Variants in NKTR observed in about 807,000 individuals in gnomAD.
The protein encoded by NKTR is natural killer cell triggering receptor.
A neutral mutation model predicts 156.3 loss-of-function variants in NKTR; 67 were observed. The ratio of observed to expected loss-of-function variants is 0.43; its 90% CI spans 0.35 to 0.53. The LOEUF (loss-of-function observed/expected upper bound fraction) is 0.53, where lower values mean the gene tolerates loss of function less well. Among genes scored for constraint, NKTR ranks in the 20% least tolerant of loss-of-function variants. The pLI, the probability that NKTR is intolerant of heterozygous loss-of-function variation, is 0.01. For missense variants in NKTR, 1,604 were observed against 1,730.9 expected (o/e 0.93, Z 1.30); for synonymous variants, 640 against 596.6 (o/e 1.07, Z -1.06).
In NKTR at chr3:42,605,794, G is replaced by A. The variant is rs866786988; in HGVS notation, c.58+4730G>A. Among the ~76,000 whole-genome samples, 4 of 152,230 alleles carry A rather than the reference G, an allele frequency of 2.6e-5. No individual in the cohort carries two copies. In the South Asian group the frequency reaches 8.3e-4, roughly 32 times the overall value. Reference sequence around the variant, plus strand: ...AATTTAAATGACTTGCACTGTATATGCTCATTAACCTGTTATATTATTAAC... The same window carrying A: ...AATTTAAATGACTTGCACTGTATATACTCATTAACCTGTTATATTATTAAC... On this transcript the variant is annotated intron_variant, in intron 2 of 16. Transcript: ENST00000232978.
At chr3:42,603,408 A>G (rs924448547) in intron 2 of NKTR, among the ~76,000 whole-genome samples, 13 of 151,824 alleles carry the variant, frequency 8.6e-5, no homozygotes, top group African/African-American at 3.1e-4. Context: ...AAGTACAAAT[A>G]AAAATTTCTG....
At chr3:42,610,214 G>C (rs916299998) in intron 2 of NKTR, among the ~76,000 whole-genome samples, 1 of 152,082 alleles carries the variant, frequency 6.6e-6, no homozygotes, top group Non-Finnish European at 1.5e-5. Flanking sequence ...ATGTTGGTCA[G>C]GCTGGTCTCG....
chr3:42,639,176 A>C lies in NKTR; in HGVS notation c.3472A>C (p.Ile1158Leu), dbSNP rs755930710. Residue 1158 changes from isoleucine (I) to leucine (L), a missense_variant, in exon 13 of 17, where the codon ATA becomes CTA. By Grantham distance (5) the Ile-to-Leu change is conservative. Coordinates refer to ENST00000232978, the MANE Select transcript of NKTR (RefSeq NM_005385.4). ...AAATGCACGGCTTGATACCCCAGAT[A>C]TAAACATTGTTTTGAAGCAGGATAT... is the stretch of plus-strand genomic sequence containing the variant. ...LGNARLDTPD[I>L]NIVLKQDMAT... 2.5e-6 allele frequency: 4 copies of C among 1,614,176 alleles called. No individual in the cohort carries two copies.
chr3:42,620,647 G>A (rs1217607814), intron 5 of NKTR: 2 of 982,534 alleles, frequency 2.0e-6, no homozygotes, highest in Non-Finnish European at 2.4e-6. Context: ...GGACATATAA[G>A]TTAGTTTTCA....
rs1226581190 is a variant in NKTR, at chr3:42,637,466, A to G, written c.1762A>G (p.Thr588Ala). The change falls in exon 13 of 17, where the codon ACC becomes GCC. Residue 588 changes from threonine (T) to alanine (A), a missense_variant. Around this residue, in one of 6 missense-constraint regions of NKTR, gnomAD observed 1,255 missense variants for 1,243.7 expected, o/e 1.01. Coordinates refer to ENST00000232978, the MANE Select transcript of NKTR (RefSeq NM_005385.4). ...KPVKTEPLRATMAQNENVVVQ... is the reference protein window; with the variant it reads ...KPVKTEPLRAAMAQNENVVVQ... ...AGTTAAAACAGAACCTTTAAGAGCA[A>G]CCATGGCACAAAATGAAAATGTAGT... is the stretch of plus-strand genomic sequence containing the variant. 1.2e-6 allele frequency: 2 copies of G among 1,613,500 alleles called. No homozygotes were observed. Among genetic ancestry groups the G allele is most frequent in the Admixed American group, 1.7e-5 (1 of 59,884 alleles).
chr3:42,637,053 G>T lies in NKTR; in HGVS notation c.1349G>T (p.Arg450Ile), dbSNP rs746058033. ...KKGKKQKHCR[R>I]HKQTKKRRIL... Reference sequence around the variant, plus strand: ...GGGAAAAAGCAGAAACACTGCAGAAGACACAAACAAACAAAGAAGAGAAGG... The same window carrying T: ...GGGAAAAAGCAGAAACACTGCAGAATACACAAACAAACAAAGAAGAGAAGG... Residue 450 changes from arginine to isoleucine, a missense_variant, in exon 13 of 17, where the codon AGA becomes ATA. Transcript: ENST00000232978. The T allele has an allele frequency of 3.6e-5, 58 of 1,605,726 alleles. No individual in the cohort carries two copies. Among genetic ancestry groups the T allele is most frequent in the Non-Finnish European group, 4.8e-5 (56 of 1,178,046 alleles).
At chr3:42,601,678 A>T (rs1705492575) in intron 2 of NKTR, 1 of 152,178 alleles carries the variant, frequency 6.6e-6, no homozygotes, top group African/African-American at 2.4e-5. Flanking sequence ...TTTAAATGAA[A>T]CATTTCCTTC....
At chr3:42,604,716 TGTCGCCCAGGCTGGAATGCTG>T (rs1706049662) in intron 2 of NKTR, among the ~76,000 whole-genome samples, 1 of 130,904 alleles carries the variant, frequency 7.6e-6, no homozygotes, top group African/African-American at 3.0e-5. Context: ...AGTCTTGCTC[TGTCGCCCAGGCTGGAATGCTG>T]GAGTGCAGTG....
At chr3:42,617,894 C>T (rs1707530701) in intron 3 of NKTR, among the ~76,000 whole-genome samples, 1 of 151,988 alleles carries the variant, frequency 6.6e-6, no homozygotes, top group South Asian at 2.1e-4. Context: ...GGAATCTTCT[C>T]TATACATTTT....
intron 2 of NKTR, among the ~76,000 whole-genome samples, chr3:42,617,305 C>T (rs1430124169): frequency 6.6e-6 from 1 of 152,176 alleles, no homozygotes; most frequent in African/African-American, 2.4e-5. Context: ...TCTAATAATA[C>T]AAAGTTCCTT....
intron 6 of NKTR, chr3:42,623,786 G>T (rs3774407): frequency 0.17 from 26,188 of 151,970 alleles, 2,728 homozygotes; most frequent in African/African-American, 0.29. Flanking sequence ...GCTCCTCATA[G>T]GGCACTTTGA....
chr3:42,601,977 A>G (rs375854033), intron 2 of NKTR: 2 of 152,212 alleles, frequency 1.3e-5, no homozygotes, highest in Non-Finnish European at 2.9e-5. Context: ...TTGGGATACT[A>G]TTTTAATAAG....
rs543505774 is a variant in NKTR, at chr3:42,646,812, A to G, written c.*837A>G. On this transcript the variant is annotated 3_prime_UTR_variant, in exon 17 of 17. Transcript: ENST00000232978. The stretch of plus-strand genomic sequence containing the variant: ...ATAAAAATGAAATTCAGACAAAATC[A>G]CTGGCACCAAAAATGGTTTATTCTG... 4 of 152,598 alleles carry G rather than the reference A, an allele frequency of 2.6e-5. No individual in the cohort carries two copies. The highest frequency in any genetic ancestry group is 5.9e-5 in the Non-Finnish European group (4 of 68,024). 9.5% of individuals were successfully genotyped at this position (152,598 alleles called of 1,614,324 possible).
rs1356498292 is a variant in NKTR, at chr3:42,647,300, G to GTA, written c.*1326_*1327insAT. ...TGTGTGTGTGTGTGTGTGTGTGTGT[G>GTA]TGGTTTTTTTTTTTAATCTTTACTT... On this transcript the variant is annotated 3_prime_UTR_variant, in exon 17 of 17. Coordinates refer to ENST00000232978, the MANE Select transcript of NKTR (RefSeq NM_005385.4). 3.6e-5 allele frequency: 4 copies of GTA among 111,610 alleles called. No homozygotes were observed. Among genetic ancestry groups the GTA allele is most frequent in the African/African-American group, 5.3e-5 (1 of 18,928 alleles). The allele number at this position is 111,610 out of a possible 1,614,324, so 6.9% of individuals were successfully genotyped here.
chr3:42,629,632 A>G (rs1370352180), intron 6 of NKTR: 1 of 977,722 alleles, frequency 1.0e-6, no homozygotes, highest in Non-Finnish European at 1.2e-6. Context: ...TCTAGCTCTT[A>G]AATATCTGTT....
At chr3:42,626,810 C>T (rs1175321526) in intron 6 of NKTR, among the ~76,000 whole-genome samples, 1 of 152,090 alleles carries the variant, frequency 6.6e-6, no homozygotes. Flanking sequence ...CTGGTAGTAA[C>T]TGGTCCTGGG....
In NKTR at chr3:42,637,766, A is replaced by G. The variant is rs750890585; in HGVS notation, c.2062A>G (p.Ser688Gly). Residue 688 changes from serine (S) to glycine (G), a missense_variant, in exon 13 of 17, where the codon AGC becomes GGC. By Grantham distance (56) the Ser-to-Gly change is moderately conservative. This residue lies in a region of NKTR where 1,255 missense variants were observed against 1,243.7 expected (regional missense o/e 1.01). Coordinates refer to ENST00000232978, the MANE Select transcript of NKTR (RefSeq NM_005385.4). ...AAAATACAGTGATAGAAGTTCAGAA[A>G]GCTCACCAAGGTCAAGGAGCAGATC... ...YSKYSDRSSESSPRSRSRSSR... is the reference protein window; with the variant it reads ...YSKYSDRSSEGSPRSRSRSSR... 13 of 1,613,588 alleles carry G rather than the reference A, an allele frequency of 8.1e-6. No individual in the cohort carries two copies. Among genetic ancestry groups the G allele is most frequent in the Non-Finnish European group, 1.1e-5 (13 of 1,179,920 alleles).
rs1491515424 is a variant in NKTR at position 42,647,301 on chromosome 3, TGG to T, written c.*1327_*1328del. On this transcript the variant is annotated 3_prime_UTR_variant, in exon 17 of 17. Transcript: ENST00000232978. Reference sequence around the variant, plus strand: ...GTGTGTGTGTGTGTGTGTGTGTGTGTGGTTTTTTTTTTTAATCTTTACTTTGA... The same window carrying T: ...GTGTGTGTGTGTGTGTGTGTGTGTGTTTTTTTTTTTTAATCTTTACTTTGA... 1.2e-3 allele frequency: 77 copies of T among 62,698 alleles called. No homozygotes were observed. Among genetic ancestry groups the T allele is most frequent in the African/African-American group, 8.4e-3 (55 of 6,568 alleles). 3.9% of individuals were successfully genotyped at this position (62,698 alleles called of 1,614,324 possible).
chr3:42,642,013 T>TC, intron 13 of NKTR, among the ~76,000 whole-genome samples: 1 of 152,366 alleles, frequency 6.6e-6, no homozygotes, highest in African/African-American at 2.4e-5. Context: ...AGTGTTTCTA[T>TC]CTTTATACAA....
Sources: gnomAD v4.1 joint callset for allele counts (sites outside exome capture counted in the v4.1 genomes callset) on GRCh38, gnomAD v4.1.1 for gene constraint, gnomAD v4.1.1 regional missense constraint, MANE v1.5 for transcripts, NCBI Gene and HGNC (gene_info 2026-07-23, HGNC 2026-07-21) for gene names.